Variants in STK3 observed in about 807,000 individuals in gnomAD.
STK3 encodes the protein serine/threonine kinase 3, also known as serine/threonine-protein kinase 3.
Under a neutral mutation model 58.0 loss-of-function variants are expected in STK3, and 41 were observed. That is an observed-to-expected ratio of 0.71 (90% confidence interval 0.55 to 0.92). The LOEUF is 0.92. Among genes scored for constraint, STK3 ranks in the 40% least tolerant of loss-of-function variants. STK3 has a pLI of 0.00. For missense variants in STK3, 479 were observed against 602.7 expected (o/e 0.79, Z 2.15); for synonymous variants, 170 against 191.0 (o/e 0.89, Z 0.91).
At chr8:98,701,308 T>C (rs926869660) in intron 6 of STK3, among the ~76,000 whole-genome samples, 1 of 152,158 alleles carries the variant, frequency 6.6e-6, no homozygotes, top group Non-Finnish European at 1.5e-5. Context: ...TGATTTAAAA[T>C]ATATACATAT....
At position 98,863,100 on chromosome 8, in the gene STK3, G is replaced by A. The variant is rs1436783610; in HGVS notation, c.110+20547C>T. ...CTGGGTGGAGACATGGTCGATTTCA[G>A]GAGGATATGGTTCCTTTTTTATGGT... On this transcript the variant is annotated intron_variant, in intron 3 of 12. Transcript: ENST00000523601. Among the ~76,000 whole-genome samples, 8 of 152,278 alleles carry A rather than the reference G, an allele frequency of 5.3e-5. No homozygotes were observed. In the East Asian group the frequency reaches 1.4e-3, roughly 26 times the overall value.
chr8:98,357,371 T>G, the STK3 span, among the ~76,000 whole-genome samples: 3 of 152,212 alleles, frequency 2.0e-5, no homozygotes, highest in East Asian at 3.9e-4. Flanking sequence ...GATCAAGCCT[T>G]GAAGCTTAAT....
At chr8:98,915,946 T>C (rs1396491885) in intron 1 of STK3, among the ~76,000 whole-genome samples, 1 of 152,170 alleles carries the variant, frequency 6.6e-6, no homozygotes, top group East Asian at 1.9e-4. Flanking sequence ...ATTCCTCCTG[T>C]TTCAAAGACC....
intron 6 of STK3, among the ~76,000 whole-genome samples, chr8:98,641,411 A>G (rs1820004872): frequency 1.3e-5 from 2 of 152,224 alleles, no homozygotes; most frequent in African/African-American, 2.4e-5. Flanking sequence ...CTGAACCAAT[A>G]TAGTGCCAAA....
chr8:98,737,483 G>A (rs1027608461), intron 4 of STK3, among the ~76,000 whole-genome samples: 6 of 152,072 alleles, frequency 3.9e-5, no homozygotes, highest in African/African-American at 1.4e-4. Flanking sequence ...TACATGAATA[G>A]AAAATAAATA....
At chr8:98,593,988 A>C (rs1815572290) in intron 7 of STK3, among the ~76,000 whole-genome samples, 1 of 152,188 alleles carries the variant, frequency 6.6e-6, no homozygotes, top group East Asian at 1.9e-4. Context: ...GTCCAAAGGT[A>C]GTACCCTTTG....
rs574156207 is a variant in STK3 at position 98,459,339 on chromosome 8, G to A, written c.1318-3339C>T. On this transcript the variant is annotated intron_variant, in intron 10 of 10. Coordinates refer to ENST00000419617, the MANE Select transcript of STK3 (RefSeq NM_006281.4). ...TTCTAAGCAGCAAAGTGTTCAAGAT[G>A]TGACATGGGTGCTCTTAAAAGCATT... 3.9e-5 allele frequency among the ~76,000 whole-genome samples: 6 copies of A among 152,360 alleles called. No individual in the cohort carries two copies. In the East Asian group the frequency reaches 7.7e-4, roughly 20 times the overall value.
chr8:98,682,586 T>C (rs1823716937), intron 6 of STK3, among the ~76,000 whole-genome samples: 1 of 152,186 alleles, frequency 6.6e-6, no homozygotes, highest in Admixed American at 6.5e-5. Context: ...GTTCTATTCA[T>C]GTGAAAGTTA....
chr8:98,669,082 C>T (rs994669967), intron 6 of STK3, among the ~76,000 whole-genome samples: 1 of 150,514 alleles, frequency 6.6e-6, no homozygotes, highest in East Asian at 1.9e-4. Flanking sequence ...CTGCAACCTC[C>T]GTCTCCTGGC....
intron 1 of STK3, among the ~76,000 whole-genome samples, chr8:98,381,172 C>T (rs1392175868): frequency 1.3e-5 from 2 of 151,718 alleles, no homozygotes; most frequent in Non-Finnish European, 2.9e-5. Flanking sequence ...GGTTTCACCA[C>T]GTTGGCCAGG....
intron 2 of STK3, among the ~76,000 whole-genome samples, chr8:98,772,212 A>G (rs1049113609): frequency 2.6e-5 from 4 of 152,158 alleles, no homozygotes. Context: ...TATTATAATT[A>G]CTTATTTCTA....
rs1214188884 is a variant in STK3 at position 98,428,181 on chromosome 8, GAGTTCT to G, written n.483+5940_483+5945del. 6.2e-7 allele frequency: 1 copy of G among 1,614,072 alleles called. No homozygotes were observed. Among genetic ancestry groups the G allele is most frequent in the East Asian group, 2.2e-5 (1 of 44,864 alleles). Reference sequence around the variant, plus strand: ...CGATGACTACGACGACGTCCAGCGGGAGTTCTACTTCGACCGCAACCCTGAGCTCTT... The same window carrying G: ...CGATGACTACGACGACGTCCAGCGGGACTTCGACCGCAACCCTGAGCTCTT... On this transcript the variant is annotated intron_variant and non_coding_transcript_variant, in intron 3 of 3. Transcript: ENST00000517832. This position sits in a 1 kb window ranked among gnomAD's most constrained non-coding sequence, Gnocchi z 6.7.
In STK3 at chr8:98,511,621, A is replaced by T. The variant is rs116424537; in HGVS notation, c.1317+15121T>A. On this transcript the variant is annotated intron_variant, in intron 10 of 10. Transcript: ENST00000419617. ...TTATAATTTACCATGAATTAAAATA[A>T]TAGTTTCCTAAAAATGACTCATGGA... Among the ~76,000 whole-genome samples the T allele has an allele frequency of 4.7e-3, 719 of 152,232 alleles. 6 individuals are homozygous for T. Among genetic ancestry groups the T allele is most frequent in the African/African-American group, 0.016 (674 of 41,558 alleles).
At chr8:98,388,346 C>A (rs1171372435), upstream of STK3, 1 of 152,120 alleles carries the variant, frequency 6.6e-6, no homozygotes, top group Non-Finnish European at 1.5e-5. Flanking sequence ...CTGCTAAAAC[C>A]CTTAGGTGAA....
intron 10 of STK3, among the ~76,000 whole-genome samples, chr8:98,479,482 GTC>G (rs1821654546): frequency 1.9e-5 from 1 of 51,808 alleles, no homozygotes; most frequent in Non-Finnish European, 4.5e-5. Context: ...GCAACACTCC[GTC>G]TCGGGGGGGG....
intron 1 of STK3, among the ~76,000 whole-genome samples, chr8:98,814,370 T>C (rs1055377281): frequency 1.6e-5 from 2 of 126,642 alleles, no homozygotes; most frequent in Non-Finnish European, 3.4e-5. Flanking sequence ...TTTTTTTTTG[T>C]CACCCAAGCG....
chr8:98,395,530 T>C (rs564051275), intron 3 of STK3, among the ~76,000 whole-genome samples: 1 of 152,344 alleles, frequency 6.6e-6, no homozygotes, highest in Admixed American at 6.5e-5. Context: ...TAATTAAAAT[T>C]GTAGCAGATG....
intron 1 of STK3, among the ~76,000 whole-genome samples, chr8:98,781,165 C>T (rs183316823): frequency 6.6e-6 from 1 of 152,260 alleles, no homozygotes; most frequent in East Asian, 1.9e-4. Flanking sequence ...TAAGATGAGC[C>T]CTGCCATCGC....
At chr8:98,395,426 C>A (rs1463171624) in intron 3 of STK3, among the ~76,000 whole-genome samples, 1 of 152,052 alleles carries the variant, frequency 6.6e-6, no homozygotes, top group Non-Finnish European at 1.5e-5. Context: ...GAAGCCACAG[C>A]CAAATTTGAT....
Sources: allele counts gnomAD v4.1 joint callset (sites outside exome capture counted in the v4.1 genomes callset), GRCh38; gene constraint gnomAD v4.1.1; non-coding constraint Gnocchi (gnomAD v3.1); transcripts MANE v1.5; gene names NCBI Gene and HGNC (gene_info 2026-07-23, HGNC 2026-07-21).